Variants in ERBB4 observed in about 807,000 individuals in gnomAD.
The protein encoded by ERBB4 is erb-b2 receptor tyrosine kinase 4, also known as receptor tyrosine-protein kinase erbB-4.
Under a neutral mutation model 158.0 loss-of-function variants are expected in ERBB4, and 42 were observed. That is an observed-to-expected ratio of 0.27 (90% CI 0.21 to 0.34). The LOEUF is 0.34. ERBB4 is among the 10% of genes least tolerant of loss of function. The pLI, the probability that ERBB4 is intolerant of heterozygous loss-of-function variation, is 1.00. For synonymous variants in ERBB4, 583 were observed against 558.7 expected, an observed-to-expected ratio of 1.04 and a Z score of -0.61; for missense variants, 1,333 against 1,624.1, an observed-to-expected ratio of 0.82 and a Z score of 3.08.
chr2:212,538,369 T>C (rs1400145363), intron 1 of ERBB4, 80 bp downstream of exon 1: 1 of 1,263,058 alleles, frequency 7.9e-7, no homozygotes, highest in Admixed American at 1.7e-5. Context: ...CCGGGATGGG[T>C]GAAGAGGGCA....
intron 25 of ERBB4, among the ~76,000 whole-genome samples, chr2:211,408,703 T>C (rs780873015): frequency 1.3e-4 from 20 of 152,178 alleles, no homozygotes. Flanking sequence ...GTCATTCTCT[T>C]TGGAGCCGGA....
At chr2:212,402,157 C>G (rs1467322004) in intron 1 of ERBB4, among the ~76,000 whole-genome samples, 1 of 152,050 alleles carries the variant, frequency 6.6e-6, no homozygotes, top group African/African-American at 2.4e-5. Context: ...GTGGTGCATA[C>G]ACACTTCAGA....
intron 20 of ERBB4, among the ~76,000 whole-genome samples, chr2:211,446,325 A>C (rs923743706): frequency 6.6e-6 from 1 of 152,200 alleles, no homozygotes; most frequent in Non-Finnish European, 1.5e-5. Flanking sequence ...TATTGTCCTC[A>C]GAAGCAGAGA....
At chr2:211,419,459 G>A (rs1319000038) in intron 25 of ERBB4, among the ~76,000 whole-genome samples, 3 of 151,928 alleles carry the variant, frequency 2.0e-5, no homozygotes, top group Admixed American at 6.6e-5. Context: ...GGATGCTGTC[G>A]GTTCTACTAG....
chr2:211,942,946 CCA>C (rs2080546885), intron 3 of ERBB4, among the ~76,000 whole-genome samples: 1 of 151,876 alleles, frequency 6.6e-6, no homozygotes, highest in African/African-American at 2.4e-5. Flanking sequence ...CAAGATGAAA[CCA>C]CATTTATCTA....
chr2:212,224,039 G>A (rs2083389959), intron 1 of ERBB4, among the ~76,000 whole-genome samples: 1 of 151,712 alleles, frequency 6.6e-6, no homozygotes, highest in African/African-American at 2.4e-5. Flanking sequence ...TTTATTTTAT[G>A]CATATAAGCA....
At chr2:212,010,433 T>A (rs376015080) in intron 2 of ERBB4, among the ~76,000 whole-genome samples, 6 of 152,196 alleles carry the variant, frequency 3.9e-5, no homozygotes, top group African/African-American at 1.2e-4. Context: ...TATTAAGGAT[T>A]TCAAAAGGGA....
In ERBB4 at chr2:212,183,646, G is replaced by GT. The variant is rs574887713; in HGVS notation, c.83-58744dup. ...CACTGAAATACTGCACTATGGAGAA[G>GT]TTTTTTTGCTACACTTTCAGTTAAT... On this transcript the variant is annotated intron_variant, in intron 1 of 27. Coordinates refer to ENST00000342788, the MANE Select transcript of ERBB4 (RefSeq NM_005235.3). Among the ~76,000 whole-genome samples the GT allele has an allele frequency of 1.2e-4, 19 of 152,070 alleles. No individual in the cohort carries two copies. In the East Asian group the frequency reaches 2.7e-3, roughly 22 times the overall value.
intron 3 of ERBB4, among the ~76,000 whole-genome samples, chr2:211,931,946 T>C (rs1372813720): frequency 6.6e-6 from 1 of 152,120 alleles, no homozygotes; most frequent in Non-Finnish European, 1.5e-5. Flanking sequence ...ATACATTGTT[T>C]GCATTTCATT....
intron 1 of ERBB4, among the ~76,000 whole-genome samples, chr2:212,471,228 T>G (rs1367765231): frequency 6.6e-6 from 1 of 152,010 alleles, no homozygotes; most frequent in Non-Finnish European, 1.5e-5. Context: ...CATTTCATAT[T>G]GGAGAAATGT....
intron 1 of ERBB4, among the ~76,000 whole-genome samples, chr2:212,392,674 T>C (rs568002911): frequency 6.6e-6 from 1 of 152,244 alleles, no homozygotes; most frequent in East Asian, 1.9e-4. Flanking sequence ...GATCATCCTT[T>C]AAGACCCAGC....
chr2:212,221,111 G>C (rs1266118879), intron 1 of ERBB4, among the ~76,000 whole-genome samples: 2 of 151,360 alleles, frequency 1.3e-5, no homozygotes, highest in Non-Finnish European at 3.0e-5. Context: ...ATGAAACAGG[G>C]GGTGGTTTTT....
chr2:211,687,790 G>T (rs1427047782), intron 12 of ERBB4, among the ~76,000 whole-genome samples: 3 of 152,066 alleles, frequency 2.0e-5, no homozygotes, highest in African/African-American at 4.8e-5. Flanking sequence ...ATTGTTCTTT[G>T]GGTTCCAAGA....
At chr2:211,869,496 T>C (rs1287579897) in intron 3 of ERBB4, among the ~76,000 whole-genome samples, 2 of 152,212 alleles carry the variant, frequency 1.3e-5, no homozygotes, top group African/African-American at 4.8e-5. Context: ...AGCAGAATTA[T>C]GGTCTGTTTA....
At chr2:211,877,576 T>TG (rs386392491) in intron 3 of ERBB4, among the ~76,000 whole-genome samples, 1 of 152,034 alleles carries the variant, frequency 6.6e-6, no homozygotes. Context: ...CTTTTTTTTT[T>TG]TCCATTTCAG....
chr2:211,483,539 T>C (rs1269769735), intron 20 of ERBB4, among the ~76,000 whole-genome samples: 1 of 151,202 alleles, frequency 6.6e-6, no homozygotes, highest in Non-Finnish European at 1.5e-5. Flanking sequence ...TTTTCTTTTG[T>C]TTGTTTGTTT....
intron 1 of ERBB4, among the ~76,000 whole-genome samples, chr2:212,530,028 C>A (rs2106339420): frequency 6.6e-6 from 1 of 152,128 alleles, no homozygotes; most frequent in South Asian, 2.1e-4. Context: ...ACAGTTTTAG[C>A]AGGCTTTGAA....
At chr2:211,948,192 T>A (rs993698252) in intron 2 of ERBB4, among the ~76,000 whole-genome samples, 1 of 152,060 alleles carries the variant, frequency 6.6e-6, no homozygotes, top group Non-Finnish European at 1.5e-5. Context: ...ATCCCAGCAC[T>A]TCTGGAGGCT....
chr2:212,011,295 C>A (rs879270047), intron 2 of ERBB4, among the ~76,000 whole-genome samples: 7 of 152,122 alleles, frequency 4.6e-5, no homozygotes, highest in African/African-American at 9.7e-5. Context: ...TTGGGGGTCC[C>A]TGACTTCCTG....
Sources: allele counts gnomAD v4.1 joint callset (sites outside exome capture counted in the v4.1 genomes callset), GRCh38; gene constraint gnomAD v4.1.1; transcripts MANE v1.5; gene names NCBI Gene and HGNC (gene_info 2026-07-23, HGNC 2026-07-21).